Variants in CBFB observed in about 807,000 individuals in gnomAD.
The protein encoded by CBFB is core-binding factor subunit beta, also known as CBF-beta.
A neutral mutation model predicts 30.4 loss-of-function variants in CBFB; 9 were observed. The ratio of observed to expected loss-of-function variants is 0.30; its 90% CI spans 0.18 to 0.52. The LOEUF (loss-of-function observed/expected upper bound fraction) is 0.52. Among genes scored for constraint, CBFB ranks in the 20% least tolerant of loss-of-function variants. CBFB has a pLI of 0.97. For synonymous variants in CBFB, 94 were observed against 84.0 expected (o/e 1.12, Z -0.65); for missense variants, 170 against 244.0 (o/e 0.70, Z 2.02).
intron 3 of CBFB, among the ~76,000 whole-genome samples, chr16:67,066,393 C>CAAAAAAAAAAAAAAAAAAAAAAAAAA (rs56360240): frequency 3.1e-5 from 3 of 96,032 alleles, no homozygotes; most frequent in African/African-American, 1.7e-4. Flanking sequence ...ACTAAAAATA[C>CAAAAAAAAAAAAAAAAAAAAAAAAAA]AAAAAAAAAA....
intron 2 of CBFB, among the ~76,000 whole-genome samples, chr16:67,035,438 A>G (rs1415565716): frequency 6.6e-6 from 1 of 152,168 alleles, no homozygotes; most frequent in Non-Finnish European, 1.5e-5. Flanking sequence ...GTTTCTATGG[A>G]TATAAAACAT....
At chr16:67,098,639 G>A (rs1962126226) in intron 5 of CBFB, 71 bp from the exon 6 acceptor site, 5 of 890,134 alleles carry the variant, frequency 5.6e-6, no homozygotes, top group Middle Eastern at 2.2e-4. Context: ...CTACTGTCTT[G>A]TATTTTGTAT....
chr16:67,039,476 A>C (rs1449150785), intron 3 of CBFB, among the ~76,000 whole-genome samples: 1 of 152,162 alleles, frequency 6.6e-6, no homozygotes, highest in Non-Finnish European at 1.5e-5. Flanking sequence ...TAAATCTATA[A>C]AAATTAAGCA....
chr16:67,090,041 T>G (rs1233179457), intron 5 of CBFB, among the ~76,000 whole-genome samples: 4 of 152,172 alleles, frequency 2.6e-5, no homozygotes, highest in African/African-American at 9.7e-5. Flanking sequence ...ATTCTGGTGT[T>G]TTTTGTTTGG....
chr16:67,062,364 TTGC>T, intron 3 of CBFB, among the ~76,000 whole-genome samples: 1 of 151,364 alleles, frequency 6.6e-6, no homozygotes, highest in Non-Finnish European at 1.5e-5. Flanking sequence ...AGACAGGGTT[TTGC>T]CATGTTGGCC....
rs2145771384 is a variant in CBFB, at chr16:67,082,212, G to A, written c.400-1G>A. On this transcript the variant is annotated splice_acceptor_variant, in intron 4 of 5. Coordinates refer to ENST00000412916, the MANE Select transcript of CBFB (RefSeq NM_022845.3). LOFTEE classifies it high-confidence loss of function. ...AATAGGTATTTCATGTATTCTGACA[G>A]CAGGAGGATGCATTAGCACAACAGG... The A allele has an allele frequency of 6.3e-7, 1 of 1,580,622 alleles. No homozygotes were observed. The highest frequency in any genetic ancestry group is 8.6e-7 in the Non-Finnish European group (1 of 1,159,506).
intron 5 of CBFB, among the ~76,000 whole-genome samples, chr16:67,092,696 ATCTTTTTTTTT>A (rs1469474379): frequency 6.3e-5 from 6 of 94,664 alleles, no homozygotes; most frequent in South Asian, 3.6e-4. Flanking sequence ...CAGTGGTGCA[ATCTTTTTTTTT>A]TTTTTTTTTT....
At position 67,099,024 on chromosome 16, in the gene CBFB, CTTG is replaced by C. The variant is rs1962142124; in HGVS notation, c.*250_*252del. ...AAGTTTTTTTTCTATGCAAGCTTAC[CTTG>C]TTGGCATTATTTTAGGGAGTTGAAA... On this transcript the variant is annotated 3_prime_UTR_variant, in exon 6 of 6. Transcript: ENST00000412916. 5 of 390,708 alleles carry C rather than the reference CTTG, an allele frequency of 1.3e-5. No homozygotes were observed. The highest frequency in any genetic ancestry group is 6.2e-5 in the African/African-American group (3 of 48,454). The allele number at this position is 390,708 out of a possible 1,614,324, so 24.2% of individuals were successfully genotyped here. A position where few individuals can be genotyped will look rare whatever the true frequency, so the allele number is the denominator to read the frequency against.
intron 3 of CBFB, among the ~76,000 whole-genome samples, 191 bp downstream of exon 3, chr16:67,036,946 T>TGGA (rs1455324584): frequency 1.3e-5 from 2 of 152,264 alleles, no homozygotes; most frequent in East Asian, 3.9e-4. Flanking sequence ...TTGCCCAGGC[T>TGGA]GGAGTGCAGT....
Position 67,098,719 on chromosome 16 carries a change from C to A in CBFB, c.505C>A (p.Gln169Lys), listed in dbSNP as rs547825285. 1.2e-6 allele frequency: 2 copies of A among 1,607,264 alleles called. No homozygotes were observed. The highest frequency in any genetic ancestry group is 3.3e-5 in the Admixed American group (2 of 59,890). Residue 169 changes from glutamine (Q) to lysine (K), a missense_variant, in exon 6 of 6, where the codon CAA (glutamine) becomes AAA (lysine). Gln to Lys is a moderately conservative substitution (Grantham distance 53). Coordinates refer to ENST00000412916, the MANE Select transcript of CBFB (RefSeq NM_022845.3). Reference protein sequence around the residue: ...SHREEMEARRQQDPSPGSNLG... With the variant: ...SHREEMEARRKQDPSPGSNLG... Reference sequence around the variant, plus strand: ...GATTTTGTCATTGCAGGCAAGAAGACAACAAGACCCTAGTCCTGGTTCCAA... The same window carrying A: ...GATTTTGTCATTGCAGGCAAGAAGAAAACAAGACCCTAGTCCTGGTTCCAA...
chr16:67,086,615 T>C (rs1961739032), intron 5 of CBFB, among the ~76,000 whole-genome samples: 1 of 152,202 alleles, frequency 6.6e-6, no homozygotes, highest in South Asian at 2.1e-4. Flanking sequence ...TAGGAGAGCC[T>C]GCTATGATAG....
At chr16:67,062,637 GA>G (rs1485921155) in intron 3 of CBFB, among the ~76,000 whole-genome samples, 4 of 151,322 alleles carry the variant, frequency 2.6e-5, no homozygotes, top group Non-Finnish European at 5.9e-5. Context: ...ACTAAAAATA[GA>G]AAAGTTAGCA....
intron 4 of CBFB, among the ~76,000 whole-genome samples, chr16:67,077,560 T>G (rs185951304): frequency 2.2e-4 from 33 of 152,332 alleles, no homozygotes; most frequent in African/African-American, 7.9e-4. Context: ...GATTTATTTA[T>G]TTTGGTTTTC....
At chr16:67,053,949 T>G (rs1392972671) in intron 3 of CBFB, among the ~76,000 whole-genome samples, 1 of 151,634 alleles carries the variant, frequency 6.6e-6, no homozygotes, top group East Asian at 1.9e-4. Flanking sequence ...TCAGCTCAAA[T>G]GAGTGTCCTT....
chr16:67,062,493 C>T (rs1960939718), intron 3 of CBFB, among the ~76,000 whole-genome samples: 1 of 150,356 alleles, frequency 6.7e-6, no homozygotes, highest in Non-Finnish European at 1.5e-5. Context: ...TGACTATGGA[C>T]ATTAATATGA....
intron 3 of CBFB, among the ~76,000 whole-genome samples, chr16:67,055,945 G>A (rs143019561): frequency 4.5e-4 from 68 of 152,270 alleles, no homozygotes; most frequent in African/African-American, 1.5e-3. Context: ...TACAGCAAGC[G>A]ACAGGGTACA....
At chr16:67,060,110 G>A (rs150281762) in intron 3 of CBFB, among the ~76,000 whole-genome samples, 326 of 151,856 alleles carry the variant, frequency 2.1e-3, no homozygotes, top group Middle Eastern at 0.01. Flanking sequence ...AGAGAGTAGC[G>A]GGGACTGCAT....
intron 3 of CBFB, among the ~76,000 whole-genome samples, chr16:67,058,769 T>TA (rs1270441411): frequency 1.3e-5 from 2 of 152,238 alleles, no homozygotes; most frequent in South Asian, 2.1e-4. Context: ...CACACCCTCT[T>TA]ACGTTTTCTT....
chr16:67,053,246 C>T (rs867650049), intron 3 of CBFB, among the ~76,000 whole-genome samples: 4 of 144,014 alleles, frequency 2.8e-5, no homozygotes, highest in African/African-American at 1.1e-4. Flanking sequence ...GTCACTTTCT[C>T]TCTTTTTTTT....
Sources: gnomAD v4.1 joint callset for allele counts (sites outside exome capture counted in the v4.1 genomes callset) on GRCh38, gnomAD v4.1.1 for gene constraint, MANE v1.5 for transcripts, NCBI Gene and HGNC (gene_info 2026-07-23, HGNC 2026-07-21) for gene names.